ANKRD55: variants seen among roughly 807,000 people sequenced by gnomAD.
ANKRD55 encodes ankyrin repeat domain-containing protein 55.
Under a neutral mutation model 60.6 loss-of-function variants are expected in ANKRD55, and 41 were observed. The observed-to-expected ratio is 0.68, with a 90% CI of 0.53 to 0.88. ANKRD55 has a LOEUF of 0.88. Among genes scored for constraint, ANKRD55 ranks in the 40% least tolerant of loss-of-function variants. ANKRD55 has a pLI of 0.00. For missense variants in ANKRD55, 732 were observed against 767.6 expected, an observed-to-expected ratio of 0.95 and a Z score of 0.55; for synonymous variants, 264 against 290.3, an observed-to-expected ratio of 0.91 and a Z score of 0.92.
intron 3 of ANKRD55, among the ~76,000 whole-genome samples, chr5:56,179,073 T>C (rs1238559118): frequency 6.6e-6 from 1 of 152,064 alleles, no homozygotes; most frequent in Non-Finnish European, 1.5e-5. Context: ...TTCACATTGA[T>C]GAACAAAGAG....
intron 4 of ANKRD55, 104 bp downstream of exon 4, chr5:56,176,047 AG>A: frequency 7.1e-7 from 1 of 1,408,380 alleles, no homozygotes; most frequent in South Asian, 1.3e-5. Flanking sequence ...CAGCTCCTTT[AG>A]CCAGCTGCAT....
chr5:56,144,813 G>C (rs533948942), intron 6 of ANKRD55, among the ~76,000 whole-genome samples: 3 of 152,258 alleles, frequency 2.0e-5, no homozygotes, highest in East Asian at 1.9e-4. Context: ...GCTGAGAAAT[G>C]GTGGCCAAAA....
intron 2 of ANKRD55, among the ~76,000 whole-genome samples, chr5:56,189,310 CA>C (rs201026805): frequency 0.14 from 12,148 of 89,564 alleles, 525 homozygotes; most frequent in Admixed American, 0.22. Flanking sequence ...GACTCTGTCT[CA>C]AAAAAAAAAA....
intron 2 of ANKRD55, among the ~76,000 whole-genome samples, chr5:56,220,264 C>T (rs1398476582): frequency 6.6e-6 from 1 of 152,150 alleles, no homozygotes; most frequent in East Asian, 1.9e-4. Flanking sequence ...TTTGGATAAG[C>T]TCAGCCAGGG....
intron 2 of ANKRD55, among the ~76,000 whole-genome samples, chr5:56,196,669 TATG>T (rs1175820603): frequency 6.6e-6 from 1 of 152,218 alleles, no homozygotes; most frequent in African/African-American, 2.4e-5. Context: ...TTATATGATA[TATG>T]ACATCTGATA....
intron 8 of ANKRD55, among the ~76,000 whole-genome samples, chr5:56,118,344 G>A (rs1316765813): frequency 2.0e-5 from 3 of 152,118 alleles, no homozygotes; most frequent in Non-Finnish European, 2.9e-5. Context: ...TTTCAGAACT[G>A]GCTGGGTGCG....
intron 5 of ANKRD55, among the ~76,000 whole-genome samples, chr5:56,160,245 AT>A (rs997299599): frequency 7.2e-5 from 11 of 152,000 alleles, no homozygotes; most frequent in African/African-American, 2.7e-4. Flanking sequence ...TATTATTATG[AT>A]TTTTTTCTTT....
rs1444426487 is a variant in ANKRD55, at chr5:56,116,748, C to A, written c.832G>T (p.Ala278Ser). ...TCCAGCAGTGACTGGACACATTCGG[C>A]CTTCCCTGCAGCTGCAGCCCAGTGC... The part of the protein sequence containing the change: ...PLHWAAAAGK[A>S]ECVQSLLELG... Residue 278 changes from alanine to serine, a missense_variant, in exon 9 of 12, where the codon GCC (alanine) becomes TCC (serine). By Grantham distance (99) the Ala-to-Ser change is moderately conservative. Coordinates refer to ENST00000341048, the MANE Select transcript of ANKRD55 (RefSeq NM_024669.3). The A allele has an allele frequency of 6.2e-7, 1 of 1,613,288 alleles. No individual in the cohort carries two copies.
At chr5:56,232,410 G>T (rs913807023) in intron 2 of ANKRD55, among the ~76,000 whole-genome samples, 2 of 152,082 alleles carry the variant, frequency 1.3e-5, no homozygotes, top group Non-Finnish European at 2.9e-5. Flanking sequence ...AAATGCTTAC[G>T]AAGATACAGC....
chr5:56,218,797 GAC>G (rs1232223260), intron 2 of ANKRD55, among the ~76,000 whole-genome samples: 1 of 151,966 alleles, frequency 6.6e-6, no homozygotes, highest in Non-Finnish European at 1.5e-5. Flanking sequence ...GAGGGAGAGA[GAC>G]ACACACACAG....
intron 2 of ANKRD55, among the ~76,000 whole-genome samples, chr5:56,221,405 G>A (rs1490757678): frequency 6.6e-6 from 1 of 152,176 alleles, no homozygotes; most frequent in South Asian, 2.1e-4. Context: ...CCAGTCTACA[G>A]CTCCCAGCGT....
chr5:56,113,425 A>G (rs1423830441), intron 9 of ANKRD55, among the ~76,000 whole-genome samples: 1 of 152,142 alleles, frequency 6.6e-6, no homozygotes, highest in African/African-American at 2.4e-5. Flanking sequence ...ATTAAATATT[A>G]ACTTGAGTAC....
chr5:56,143,484 C>T (rs1482934602), intron 7 of ANKRD55, among the ~76,000 whole-genome samples: 1 of 152,126 alleles, frequency 6.6e-6, no homozygotes, highest in Non-Finnish European at 1.5e-5. Flanking sequence ...GGTTCAAAGA[C>T]TTTGAAGGCA....
chr5:56,155,265 T>G lies in ANKRD55; in HGVS notation c.483+4568A>C, dbSNP rs187433107. On this transcript the variant is annotated intron_variant, in intron 6 of 11. Transcript: ENST00000341048. ...TTCCAACGAGCCCAGCAGAGGAGGT[T>G]GGTTTTGTAGACAGAGAAGGACTGA... is the stretch of plus-strand genomic sequence containing the variant. 2.0e-5 allele frequency among the ~76,000 whole-genome samples: 3 copies of G among 150,912 alleles called. No individual in the cohort carries two copies. The East Asian group carries it at 5.9e-4, about 29-fold the overall frequency.
chr5:56,209,341 T>C (rs1286085088), intron 2 of ANKRD55, among the ~76,000 whole-genome samples: 10 of 152,234 alleles, frequency 6.6e-5, no homozygotes, highest in Admixed American at 5.9e-4. Context: ...TAAAATCCCA[T>C]GGACTGGACT....
Position 56,135,670 on chromosome 5 carries a change from C to T in ANKRD55, c.612+8131G>A, listed in dbSNP as rs1757579038. ...AGGCGTGAGCCACTGTACCCGGTTC[C>T]ACCACCTCTTTTCAATATTATACTC... On this transcript the variant is annotated intron_variant, in intron 7 of 11. Coordinates refer to ENST00000341048, the MANE Select transcript of ANKRD55 (RefSeq NM_024669.3). Among the ~76,000 whole-genome samples, 4 of 151,938 alleles carry T rather than the reference C, an allele frequency of 2.6e-5. No individual in the cohort carries two copies. In the South Asian group the frequency reaches 8.3e-4, roughly 32 times the overall value.
intron 2 of ANKRD55, 76 bp from the exon 3 acceptor site, chr5:56,183,710 C>T (rs1758904902): frequency 1.3e-6 from 2 of 1,566,564 alleles, no homozygotes; most frequent in Non-Finnish European, 1.7e-6. Flanking sequence ...CAAGTCGTCA[C>T]CCACACAAGT....
chr5:56,162,788 C>A (rs918712076), intron 5 of ANKRD55, among the ~76,000 whole-genome samples: 14 of 152,156 alleles, frequency 9.2e-5, no homozygotes, highest in African/African-American at 3.1e-4. Flanking sequence ...ATCCTCCTGC[C>A]TCAGTCTTCA....
Position 56,111,802 on chromosome 5 carries a change from C to A in ANKRD55, c.966-20G>T. On this transcript the variant is annotated intron_variant, in intron 9 of 11. Coordinates refer to ENST00000341048, the MANE Select transcript of ANKRD55 (RefSeq NM_024669.3). The stretch of plus-strand genomic sequence containing the variant: ...TCTGTTCTATGCGAATATAAAAGAG[C>A]AGGGATGATATGTGAGTATGGGAAG... The A allele has an allele frequency of 6.8e-7, 1 of 1,477,290 alleles. No individual in the cohort carries two copies. 91.5% of individuals were successfully genotyped at this position (1,477,290 alleles called of 1,614,324 possible). A position where few individuals can be genotyped will look rare whatever the true frequency, so the allele number is the denominator to read the frequency against.
Sources: allele counts gnomAD v4.1 joint callset (sites outside exome capture counted in the v4.1 genomes callset), GRCh38; gene constraint gnomAD v4.1.1; transcripts MANE v1.5; gene names NCBI Gene and HGNC (gene_info 2026-07-23, HGNC 2026-07-21).